Variants in SHPK observed in about 807,000 individuals in gnomAD.
SHPK encodes carbohydrate kinase-like protein.
SHPK carries 51 observed loss-of-function variants against 46.3 expected under a neutral mutation model. That is an observed-to-expected ratio of 1.10 (90% CI 0.88 to 1.39). The LOEUF (loss-of-function observed/expected upper bound fraction) is 1.39, where lower values mean the gene tolerates loss of function less well. Among genes scored for constraint, SHPK ranks in the 40% most tolerant of loss-of-function variants. The probability of loss-of-function intolerance (pLI) is 0.00; values close to 1 mark genes in which losing one functional copy is unlikely to be tolerated. For synonymous variants in SHPK, 290 were observed against 273.9 expected (o/e 1.06, Z -0.58); for missense variants, 668 against 641.3 (o/e 1.04, Z -0.45).
At position 3,621,589 on chromosome 17, in the gene SHPK, T is replaced by C. The variant is rs184301186; in HGVS notation, c.648-177A>G. Among the ~76,000 whole-genome samples, 95 of 144,048 alleles carry C rather than the reference T, an allele frequency of 6.6e-4. 1 individual carries two copies. Among genetic ancestry groups the C allele is most frequent in the African/African-American group, 2.4e-3 (92 of 39,018 alleles). 94.5% of individuals were successfully genotyped at this position (144,048 alleles called of 152,430 possible). ...TCTTTCCCTCCCTTCCTTTCCTCCT[T>C]CTCTCCATTCCTTCCCTCCCTCCCT... On this transcript the variant is annotated intron_variant, in intron 4 of 6. Transcript: ENST00000225519.
At chr17:3,632,971 C>CT (rs34873037) in intron 1 of SHPK, among the ~76,000 whole-genome samples, 6,124 of 81,714 alleles carry the variant, frequency 0.075, 117 homozygotes, top group Non-Finnish European at 0.089. Flanking sequence ...GCAGATATTA[C>CT]TTTTTTTTTT....
At chr17:3,613,739 T>C (rs2075355526) in intron 6 of SHPK, among the ~76,000 whole-genome samples, 1 of 152,140 alleles carries the variant, frequency 6.6e-6, no homozygotes, top group African/African-American at 2.4e-5. Flanking sequence ...TCTTTTTTTT[T>C]TACAGACAGG....
rs576661835 is a variant in SHPK at position 3,634,537 on chromosome 17, A to G, written c.168+1515T>C. ...CAGTGAGCAGAGATTGCACCACTGCACTCCAGCCTGGGTGACAGAGCGAGA... is the reference window on the plus strand; with the variant it reads ...CAGTGAGCAGAGATTGCACCACTGCGCTCCAGCCTGGGTGACAGAGCGAGA... On this transcript the variant is annotated intron_variant, in intron 1 of 6. Coordinates refer to ENST00000225519, the MANE Select transcript of SHPK (RefSeq NM_013276.4). Among the ~76,000 whole-genome samples, 5 of 141,248 alleles carry G rather than the reference A, an allele frequency of 3.5e-5. No individual in the cohort carries two copies. In the South Asian group the frequency reaches 1.1e-3, roughly 31 times the overall value. 92.7% of individuals were successfully genotyped at this position (141,248 alleles called of 152,430 possible).
In SHPK at chr17:3,610,485, G is replaced by A; in HGVS notation, c.*75C>T. ...TGTCCACTGAACGGTCCAGGGAAAG[G>A]ATGACCCACAGATGGTGTCAGGAAT... On this transcript the variant is annotated 3_prime_UTR_variant, in exon 7 of 7. Transcript: ENST00000225519. The A allele has an allele frequency of 1.4e-6, 2 of 1,452,974 alleles. No individual in the cohort carries two copies. Among genetic ancestry groups the A allele is most frequent in the Non-Finnish European group, 1.9e-6 (2 of 1,068,220 alleles). 90.0% of individuals were successfully genotyped at this position (1,452,974 alleles called of 1,614,324 possible).
At chr17:3,622,223 C>T (rs182142890) in intron 4 of SHPK, among the ~76,000 whole-genome samples, 1 of 152,246 alleles carries the variant, frequency 6.6e-6, no homozygotes, top group Non-Finnish European at 1.5e-5. Context: ...CCCTCACAGG[C>T]AGCTTCTCTG....
At position 3,610,949 on chromosome 17, in the gene SHPK, CAG is replaced by C. The variant is rs776601109; in HGVS notation, c.1046_1047del (p.Thr349SerfsTer89). On this transcript the variant is annotated frameshift_variant, in exon 7 of 7. Coordinates refer to ENST00000225519, the MANE Select transcript of SHPK (RefSeq NM_013276.4). LOFTEE classifies it high-confidence loss of function. ...GCTGCCTGAATCATGCGTGAATACACAGTGGATTCTTCAACCTCCAGGCCTGC... is the reference window on the plus strand; with the variant it reads ...GCTGCCTGAATCATGCGTGAATACACTGGATTCTTCAACCTCCAGGCCTGC... ...ADLGLEVEES[T>X]VYSRMIQAAV... The C allele has an allele frequency of 6.2e-7, 1 of 1,608,240 alleles. No homozygotes were observed. Among genetic ancestry groups the C allele is most frequent in the Non-Finnish European group, 8.5e-7 (1 of 1,175,442 alleles).
Position 3,610,770 on chromosome 17 carries a change from G to T in SHPK, c.1227C>A (p.Asn409Lys). 1 of 1,614,134 alleles carries T rather than the reference G, an allele frequency of 6.2e-7. No individual in the cohort carries two copies. Among genetic ancestry groups the T allele is most frequent in the South Asian group, 1.1e-5 (1 of 91,078 alleles). ...TRALCRGIVQ[N>K]LHSMLPIQQL... The stretch of plus-strand genomic sequence containing the variant: ...GCTGAATCGGAAGCATGGAGTGCAG[G>T]TTCTGAACAATGCCTCGGCACAGAG... The change falls in exon 7 of 7, where the codon AAC becomes AAA. Residue 409 changes from asparagine (N) to lysine (K), a missense_variant. By Grantham distance (94) the Asn-to-Lys change is moderately conservative. Transcript: ENST00000225519.
chr17:3,625,499 C>T (rs1380524286), intron 2 of SHPK, among the ~76,000 whole-genome samples: 2 of 152,156 alleles, frequency 1.3e-5, no homozygotes, highest in Non-Finnish European at 2.9e-5. Flanking sequence ...AAAGAGCAGC[C>T]GGCAGACCGT....
chr17:3,615,389 GC>G lies in SHPK; in HGVS notation c.971del (p.Gly324AlafsTer18). 1 of 1,614,202 alleles carries G rather than the reference GC, an allele frequency of 6.2e-7. No individual in the cohort carries two copies. The highest frequency in any genetic ancestry group is 8.5e-7 in the Non-Finnish European group (1 of 1,180,030). The part of the protein sequence containing the change: ...YLGVAASLNG[G>X]NVLATFVHML... ...TGTGGACGAACGTGGCCAGCACATT[GC>G]CCCCGTTGAGTGACGCGGCCACCCC... On this transcript the variant is annotated frameshift_variant, in exon 6 of 7. Transcript: ENST00000225519. LOFTEE classifies it high-confidence loss of function.
At chr17:3,611,852 T>G (rs1321407673) in intron 6 of SHPK, among the ~76,000 whole-genome samples, 1 of 133,592 alleles carries the variant, frequency 7.5e-6, no homozygotes, top group Admixed American at 8.9e-5. Context: ...CAGGCTGGAG[T>G]GCAGTGGCAC....
At chr17:3,623,282 C>T (rs751512028) in intron 4 of SHPK, 57 bp downstream of exon 4, 64 of 1,594,058 alleles carry the variant, frequency 4.0e-5, no homozygotes, top group Middle Eastern at 1.9e-4. Flanking sequence ...GCACTGGCTC[C>T]GGGGTTGCCC....
At chr17:3,611,899 G>C (rs886380976) in intron 6 of SHPK, among the ~76,000 whole-genome samples, 1 of 146,520 alleles carries the variant, frequency 6.8e-6, no homozygotes, top group African/African-American at 2.5e-5. Context: ...TGCCTCCCGG[G>C]TTCCAGCGAT....
intron 1 of SHPK, 88 bp downstream of exon 1, chr17:3,635,964 G>T: frequency 2.3e-6 from 3 of 1,293,830 alleles, no homozygotes; most frequent in South Asian, 1.5e-5. Context: ...ACTTCATTGC[G>T]GGAAGGGCTG....
rs982394990 is a variant in SHPK at position 3,621,684 on chromosome 17, G to T, written c.648-272C>A. 2.3e-5 allele frequency among the ~76,000 whole-genome samples: 3 copies of T among 130,040 alleles called. No homozygotes were observed. In the Admixed American group the frequency reaches 2.7e-4, roughly 12 times the overall value. 85.3% of individuals were successfully genotyped at this position (130,040 alleles called of 152,430 possible). A position where few individuals can be genotyped will look rare whatever the true frequency, so the allele number is the denominator to read the frequency against. ...ATTTATTTTTTTGAGATGGAGTCTT[G>T]CTCTGTTGCCCAGGCTGGAGTGCAG... On this transcript the variant is annotated intron_variant, in intron 4 of 6. Transcript: ENST00000225519.
Position 3,615,505 on chromosome 17 carries a change from C to T in SHPK, c.856G>A (p.Ala286Thr). Reference protein sequence around the residue: ...LNISTSVQLAASMPSGFQPAQ... With the variant: ...LNISTSVQLATSMPSGFQPAQ... ...GGCTGGAATCCTGAAGGCATGGAGG[C>T]TGCCAGCTGAACCGAGGTGCTGATG... Residue 286 changes from alanine (A) to threonine (T), a missense_variant, in exon 6 of 7, where the codon GCC (alanine) becomes ACC (threonine). By Grantham distance (58) the Ala-to-Thr change is moderately conservative (BLOSUM62 0). Coordinates refer to ENST00000225519, the MANE Select transcript of SHPK (RefSeq NM_013276.4). 1 of 1,614,190 alleles carries T rather than the reference C, an allele frequency of 6.2e-7. No individual in the cohort carries two copies.
At chr17:3,628,559 G>T (rs1301014505) in intron 2 of SHPK, among the ~76,000 whole-genome samples, 1 of 152,126 alleles carries the variant, frequency 6.6e-6, no homozygotes, top group Non-Finnish European at 1.5e-5. Context: ...CTGACCTCGT[G>T]ATCTGCCCGC....
At chr17:3,634,136 GC>G (rs2075491159) in intron 1 of SHPK, among the ~76,000 whole-genome samples, 1 of 148,886 alleles carries the variant, frequency 6.7e-6, no homozygotes, top group Non-Finnish European at 1.5e-5. Flanking sequence ...ACTGCGGAAG[GC>G]CGCAGGGTCC....
intron 5 of SHPK, 133 bp from the exon 6 acceptor site, chr17:3,615,670 G>A (rs2075367942): frequency 3.1e-6 from 2 of 639,348 alleles, no homozygotes; most frequent in Admixed American, 5.6e-5. Context: ...CAGTGAGAGG[G>A]GGTGGCCTGT....
chr17:3,633,227 C>T (rs1351463134), intron 1 of SHPK, among the ~76,000 whole-genome samples: 2 of 151,718 alleles, frequency 1.3e-5, no homozygotes, highest in Non-Finnish European at 2.9e-5. Flanking sequence ...GTGATCCACC[C>T]ACCTCCGCCT....
Sources: gnomAD v4.1 joint callset for allele counts (sites outside exome capture counted in the v4.1 genomes callset) on GRCh38, gnomAD v4.1.1 for gene constraint, MANE v1.5 for transcripts, NCBI Gene and HGNC (gene_info 2026-07-23, HGNC 2026-07-21) for gene names.